SEC14L5: variants seen among roughly 807,000 people sequenced by gnomAD.
SEC14L5 encodes the protein SEC14-like protein 5.
In SEC14L5, 96 loss-of-function variants were observed where a neutral mutation model predicts 84.6. The ratio of observed to expected loss-of-function variants is 1.13; its 90% confidence interval spans 0.96 to 1.34. The LOEUF is 1.34. SEC14L5 is among the 40% of genes most tolerant of loss of function. The pLI is 0.00. For missense variants in SEC14L5, 1,224 were observed against 942.5 expected, an observed-to-expected ratio of 1.30 and a Z score of -3.91; for synonymous variants, 546 against 383.4, an observed-to-expected ratio of 1.42 and a Z score of -4.95.
chr16:5,007,615 T>A (rs1955746699), intron 13 of SEC14L5, 129 bp downstream of exon 13: 2 of 889,312 alleles, frequency 2.2e-6, no homozygotes, highest in Non-Finnish European at 3.3e-6. Context: ...TCTTTTTTTT[T>A]TTTTTTTTGG....
intron 11 of SEC14L5, among the ~76,000 whole-genome samples, chr16:5,004,042 C>T (rs1568145223): frequency 6.6e-6 from 1 of 152,258 alleles, no homozygotes; most frequent in Non-Finnish European, 1.5e-5. Flanking sequence ...CAGCCAGCCA[C>T]TTGCATAGTG....
At chr16:5,001,290 G>T (rs554405190) in intron 10 of SEC14L5, among the ~76,000 whole-genome samples, 2 of 139,470 alleles carry the variant, frequency 1.4e-5, no homozygotes, top group Non-Finnish European at 3.0e-5. Flanking sequence ...ACGGAGTCTC[G>T]CTCTGTCGCC....
intron 13 of SEC14L5, 117 bp from the exon 14 acceptor site, chr16:5,008,304 C>T (rs1257731302): frequency 2.1e-5 from 15 of 708,534 alleles, no homozygotes; most frequent in African/African-American, 3.6e-5. Context: ...AAGGAATGAG[C>T]GTGTGCCTGG....
chr16:4,985,209 AATT>A (rs1207682144), intron 2 of SEC14L5, among the ~76,000 whole-genome samples: 1 of 152,028 alleles, frequency 6.6e-6, no homozygotes, highest in Non-Finnish European at 1.5e-5. Flanking sequence ...GCTTTTAAAA[AATT>A]ATTATTATTA....
At chr16:5,009,153 C>A (rs551824225) in intron 14 of SEC14L5, among the ~76,000 whole-genome samples, 2 of 152,224 alleles carry the variant, frequency 1.3e-5, no homozygotes, top group East Asian at 3.9e-4. Context: ...TAACTCCTGG[C>A]AATCCTGGGT....
chr16:5,002,665 A>G (rs1279855290), intron 10 of SEC14L5, among the ~76,000 whole-genome samples: 3 of 152,150 alleles, frequency 2.0e-5, no homozygotes, highest in African/African-American at 7.2e-5. Context: ...GTTTAAGCGA[A>G]CAAATCTGGG....
Position 5,014,852 on chromosome 16 carries a change from T to C in SEC14L5, c.1980-7T>C. On this transcript the variant is annotated splice_polypyrimidine_tract_variant and splice_region_variant and intron_variant, in intron 15 of 15. Transcript: ENST00000251170. ...AGGGTAACGTGTGCCACGCCCTTCC[T>C]CCCCAGGGGCTCCATGTCCAGCCTG... is the stretch of plus-strand genomic sequence containing the variant. The C allele has an allele frequency of 1.2e-6, 2 of 1,611,874 alleles. No individual in the cohort carries two copies. Among genetic ancestry groups the C allele is most frequent in the Admixed American group, 3.3e-5 (2 of 59,970 alleles).
chr16:5,001,887 C>T (rs1249200940), intron 10 of SEC14L5, among the ~76,000 whole-genome samples: 3 of 152,144 alleles, frequency 2.0e-5, no homozygotes, highest in Admixed American at 2.0e-4. Context: ...GTCCTCCCAC[C>T]TCAGCCTCCC....
Position 4,959,287 on chromosome 16 carries a change from C to G in SEC14L5, c.-37C>G, listed in dbSNP as rs773376048. 1 of 1,567,214 alleles carries G rather than the reference C, an allele frequency of 6.4e-7. No individual in the cohort carries two copies. Among genetic ancestry groups the G allele is most frequent in the South Asian group, 1.1e-5 (1 of 90,120 alleles). On this transcript the variant is annotated 5_prime_UTR_variant, in exon 2 of 16. Transcript: ENST00000251170. ...CCTCGCCCCAGGCTCTGTGCACACC[C>G]CTGCCTGGTGACCTCCATTGGTGCT...
At chr16:5,001,250 CT>C (rs371571869) in intron 10 of SEC14L5, among the ~76,000 whole-genome samples, 6,662 of 126,130 alleles carry the variant, frequency 0.053, 93 homozygotes, top group Non-Finnish European at 0.076. Context: ...CTTGACTTTG[CT>C]TTTTTTTTTT....
intron 11 of SEC14L5, among the ~76,000 whole-genome samples, chr16:5,004,758 G>C (rs1041178685): frequency 3.9e-5 from 6 of 152,156 alleles, no homozygotes; most frequent in Admixed American, 1.3e-4. Context: ...GCCATGCCAA[G>C]GGCTCCTTCC....
Position 4,992,815 on chromosome 16 carries a change from G to A in SEC14L5, c.667+785G>A, listed in dbSNP as rs1033727168. Among the ~76,000 whole-genome samples the A allele has an allele frequency of 2.6e-5, 4 of 152,122 alleles. 1 individual carries two copies. Among genetic ancestry groups the A allele is most frequent in the Non-Finnish European group, 5.9e-5 (4 of 68,028 alleles). ...GTTTCTATGTCCTGAAGCTGTTTAG[G>A]TGCATATATGCACATAAAATGTATA... is the stretch of plus-strand genomic sequence containing the variant. On this transcript the variant is annotated intron_variant, in intron 6 of 15. Transcript: ENST00000251170.
intron 10 of SEC14L5, among the ~76,000 whole-genome samples, chr16:5,001,800 TCTCA>T (rs1955681208): frequency 6.6e-6 from 1 of 151,750 alleles, no homozygotes; most frequent in Admixed American, 6.6e-5. Flanking sequence ...TGAGACAGGC[TCTCA>T]CTCTGTCACC....
rs771598682 is a variant in SEC14L5 at position 5,003,591 on chromosome 16, G to C, written c.1302+18G>C. 1.1e-6 allele frequency: 1 copy of C among 878,684 alleles called. No homozygotes were observed. The highest frequency in any genetic ancestry group is 7.1e-5 in the East Asian group (1 of 14,084). The allele number at this position is 878,684 out of a possible 1,614,324, so 54.4% of individuals were successfully genotyped here. A position where few individuals can be genotyped will look rare whatever the true frequency, so the allele number is the denominator to read the frequency against. ...GGACACTGGTAAGAGCTGGAGCCTG[G>C]GCCAGGACTCTCCCTGGGGGTGGGT... On this transcript the variant is annotated intron_variant, in intron 11 of 15. Transcript: ENST00000251170.
chr16:5,018,984 G>C lies in SEC14L5; in HGVS notation c.*4014G>C, dbSNP rs1035842879. The C allele has an allele frequency of 6.6e-6, 1 of 152,084 alleles. No individual in the cohort carries two copies. Among genetic ancestry groups the C allele is most frequent in the Non-Finnish European group, 1.5e-5 (1 of 68,022 alleles). The allele number at this position is 152,084 out of a possible 1,614,324, so 9.4% of individuals were successfully genotyped here. ...TTTTCCATTTGGATAAACTTGCATC[G>C]TCAGCTTCCTAAAACCCTGGAGGTT... On this transcript the variant is annotated 3_prime_UTR_variant, in exon 16 of 16. Transcript: ENST00000251170.
chr16:5,008,090 AT>A (rs1354555658), intron 13 of SEC14L5, among the ~76,000 whole-genome samples: 7 of 149,574 alleles, frequency 4.7e-5, no homozygotes, highest in Admixed American at 4.7e-4. Flanking sequence ...TTTTGTTTGT[AT>A]TTTTAGTAGA....
At chr16:5,009,843 G>C (rs188155326) in intron 14 of SEC14L5, among the ~76,000 whole-genome samples, 1 of 152,042 alleles carries the variant, frequency 6.6e-6, no homozygotes, top group Non-Finnish European at 1.5e-5. Flanking sequence ...GATCTGGGAG[G>C]GGGTGAGAGG....
At chr16:5,006,099 C>G (rs948801581) in intron 12 of SEC14L5, 51 bp downstream of exon 12, 12 of 1,594,530 alleles carry the variant, frequency 7.5e-6, no homozygotes, top group Admixed American at 5.1e-5. Context: ...GGGGGCATGC[C>G]TAGCTGGGAG....
In SEC14L5 at chr16:5,005,927, T is replaced by A; in HGVS notation, c.1316T>A (p.Ile439Asn). The change falls in exon 12 of 16, where the codon ATC (isoleucine) becomes AAC (asparagine). Residue 439 changes from isoleucine to asparagine, a missense_variant. Ile to Asn is a moderately radical substitution (Grantham distance 149). Transcript: ENST00000251170. ...PVLWTLISPF[I>N]NENTRRKFLI... ...TCCTGGTTTCAGATCAGCCCCTTCA[T>A]CAATGAGAACACCAGGCGGAAGTTC... The A allele has an allele frequency of 6.4e-7, 1 of 1,571,162 alleles. No homozygotes were observed. The highest frequency in any genetic ancestry group is 8.7e-7 in the Non-Finnish European group (1 of 1,153,070).
Sources: allele counts gnomAD v4.1 joint callset (sites outside exome capture counted in the v4.1 genomes callset), GRCh38; gene constraint gnomAD v4.1.1; transcripts MANE v1.5; gene names NCBI Gene and HGNC (gene_info 2026-07-23, HGNC 2026-07-21).